Variants in COL8A1 observed in about 807,000 individuals in gnomAD.
The protein encoded by COL8A1 is collagen alpha-1(VIII) chain.
Under a neutral mutation model 42.7 loss-of-function variants are expected in COL8A1, and 21 were observed. The observed-to-expected ratio is 0.49, with a 90% CI of 0.35 to 0.71. The LOEUF (loss-of-function observed/expected upper bound fraction) is 0.71, where lower values mean the gene tolerates loss of function less well. Among genes scored for constraint, COL8A1 ranks in the 30% least tolerant of loss-of-function variants. COL8A1 has a pLI of 0.01. For synonymous variants in COL8A1, 367 were observed against 369.1 expected (o/e 0.99, Z 0.06); for missense variants, 788 against 962.4 (o/e 0.82, Z 2.40).
intron 2 of COL8A1, among the ~76,000 whole-genome samples, chr3:99,768,161 G>T (rs147620608): frequency 3.3e-4 from 50 of 152,302 alleles, no homozygotes; most frequent in Middle Eastern, 3.4e-3. Flanking sequence ...TGGATAAGGG[G>T]CTCCCATAAA....
chr3:99,784,412 A>G (rs1352674297), intron 2 of COL8A1, among the ~76,000 whole-genome samples: 1 of 152,226 alleles, frequency 6.6e-6, no homozygotes, highest in Non-Finnish European at 1.5e-5. Flanking sequence ...ATTTAACAAC[A>G]GGAATATGTT....
intron 1 of COL8A1, among the ~76,000 whole-genome samples, chr3:99,653,928 C>A (rs1274170320): frequency 6.6e-6 from 1 of 152,016 alleles, no homozygotes; most frequent in Non-Finnish European, 1.5e-5. Context: ...CACATGATCA[C>A]AAGGTGAAGT....
intron 2 of COL8A1, among the ~76,000 whole-genome samples, chr3:99,745,522 TATC>T (rs1489864733): frequency 3.3e-5 from 5 of 152,326 alleles, no homozygotes; most frequent in Non-Finnish European, 5.9e-5. Flanking sequence ...TTTATACCAT[TATC>T]ATATTTCTCT....
chr3:99,669,377 G>A (rs1277834142), intron 1 of COL8A1, among the ~76,000 whole-genome samples: 1 of 151,846 alleles, frequency 6.6e-6, no homozygotes, highest in African/African-American at 2.4e-5. Context: ...ATGGAAAAAT[G>A]AAGGTCATTC....
intron 2 of COL8A1, among the ~76,000 whole-genome samples, chr3:99,762,696 T>A (rs1941387033): frequency 6.6e-6 from 1 of 152,182 alleles, no homozygotes. Flanking sequence ...ACAGTGTATG[T>A]CAAGAGGCAG....
At chr3:99,682,931 C>T (rs1273600847) in intron 1 of COL8A1, among the ~76,000 whole-genome samples, 1 of 152,124 alleles carries the variant, frequency 6.6e-6, no homozygotes, top group South Asian at 2.1e-4. Flanking sequence ...GGAAAGAACT[C>T]GCTGACATTA....
intron 3 of COL8A1, among the ~76,000 whole-genome samples, chr3:99,792,329 T>C (rs1433654958): frequency 6.6e-6 from 1 of 152,198 alleles, no homozygotes; most frequent in Non-Finnish European, 1.5e-5. Context: ...TGTATTTTAT[T>C]CTCTGACAGT....
At chr3:99,671,128 T>G (rs1311021205) in intron 1 of COL8A1, among the ~76,000 whole-genome samples, 7 of 151,684 alleles carry the variant, frequency 4.6e-5, no homozygotes, top group Admixed American at 4.6e-4. Context: ...CATGAACTAA[T>G]GGGAAGGAAG....
intron 1 of COL8A1, among the ~76,000 whole-genome samples, chr3:99,731,701 A>G (rs901413238): frequency 6.6e-6 from 1 of 152,102 alleles, no homozygotes; most frequent in East Asian, 1.9e-4. Context: ...AAACTGACTC[A>G]TTTGTTTTGG....
At chr3:99,791,439 G>A (rs1482824626) in intron 3 of COL8A1, among the ~76,000 whole-genome samples, 1 of 152,182 alleles carries the variant, frequency 6.6e-6, no homozygotes, top group East Asian at 1.9e-4. Flanking sequence ...TGTGTTAAAA[G>A]AAAAGTCACA....
intron 2 of COL8A1, among the ~76,000 whole-genome samples, chr3:99,750,049 CTTTTTTTTT>C (rs1176042144): frequency 1.5e-5 from 1 of 65,968 alleles, no homozygotes; most frequent in African/African-American, 6.1e-5. Context: ...TTTTTTTCTT[CTTTTTTTTT>C]TTTTTTTTTT....
At chr3:99,764,445 ATGTGTGTGCG>A (rs1443429271) in intron 2 of COL8A1, among the ~76,000 whole-genome samples, 1 of 152,182 alleles carries the variant, frequency 6.6e-6, no homozygotes, top group Non-Finnish European at 1.5e-5. Context: ...CTGTACATAT[ATGTGTGTGCG>A]TGTACACCAC....
At chr3:99,685,876 C>A (rs1418136150) in intron 1 of COL8A1, among the ~76,000 whole-genome samples, 1 of 152,168 alleles carries the variant, frequency 6.6e-6, no homozygotes, top group Non-Finnish European at 1.5e-5. Context: ...AGGCACATAG[C>A]AAGGGAGTTG....
At chr3:99,770,994 T>C (rs1000802220) in intron 2 of COL8A1, among the ~76,000 whole-genome samples, 9 of 152,150 alleles carry the variant, frequency 5.9e-5, no homozygotes, top group Admixed American at 4.6e-4. Context: ...CTGCATGACA[T>C]GAAAAGGGGC....
chr3:99,743,259 A>T (rs1940942934), intron 1 of COL8A1, among the ~76,000 whole-genome samples: 1 of 152,208 alleles, frequency 6.6e-6, no homozygotes, highest in African/African-American at 2.4e-5. Flanking sequence ...CTATCACTAA[A>T]CTTTATTACT....
intron 1 of COL8A1, among the ~76,000 whole-genome samples, chr3:99,643,177 T>C (rs1290166952): frequency 6.6e-6 from 1 of 152,200 alleles, no homozygotes; most frequent in Non-Finnish European, 1.5e-5. Context: ...ATAACTGCAG[T>C]GTGGCTCCTC....
chr3:99,730,163 T>C, intron 1 of COL8A1, among the ~76,000 whole-genome samples: 1 of 152,120 alleles, frequency 6.6e-6, no homozygotes, highest in East Asian at 1.9e-4. Context: ...TCCATTGCCT[T>C]TATTCATTTA....
At chr3:99,705,295 C>G (rs1017672513) in intron 1 of COL8A1, among the ~76,000 whole-genome samples, 2 of 152,118 alleles carry the variant, frequency 1.3e-5, no homozygotes, top group Non-Finnish European at 2.9e-5. Context: ...ATTAAGTAGG[C>G]CTCTGAGGGC....
At chr3:99,726,142 G>C (rs1940317548) in intron 1 of COL8A1, among the ~76,000 whole-genome samples, 1 of 152,136 alleles carries the variant, frequency 6.6e-6, no homozygotes, top group African/African-American at 2.4e-5. Context: ...TTGTGGTTTT[G>C]ATTTGCATTT....
Sources: allele counts gnomAD v4.1 joint callset (sites outside exome capture counted in the v4.1 genomes callset), GRCh38; gene constraint gnomAD v4.1.1; transcripts MANE v1.5; gene names NCBI Gene and HGNC (gene_info 2026-07-23, HGNC 2026-07-21).